The following JMJD1C variants were observed in gnomAD, a reference collection of about 807,000 sequenced individuals.
JMJD1C encodes the protein jumonji domain-containing protein 1C.
In JMJD1C, 31 loss-of-function variants were observed where a neutral mutation model predicts 245.3. The observed-to-expected ratio is 0.13, with a 90% CI of 0.09 to 0.17. The LOEUF is 0.17. Among genes scored for constraint, JMJD1C ranks in the 10% least tolerant of loss-of-function variants. The pLI is 1.00. For missense variants in JMJD1C, 2,691 were observed against 3,000.2 expected (o/e 0.90, Z 2.41); for synonymous variants, 1,057 against 1,017.4 (o/e 1.04, Z -0.74).
chr10:63,167,855 TTATAAC>T lies in JMJD1C; in HGVS notation c.*184_*189del. 1 of 504,084 alleles carries T rather than the reference TTATAAC, an allele frequency of 2.0e-6. No individual in the cohort carries two copies. The highest frequency in any genetic ancestry group is 3.5e-6 in the Non-Finnish European group (1 of 282,148). The allele number at this position is 504,084 out of a possible 1,614,324, so 31.2% of individuals were successfully genotyped here. On this transcript the variant is annotated 3_prime_UTR_variant, in exon 26 of 26. Coordinates refer to ENST00000399262, the MANE Select transcript of JMJD1C (RefSeq NM_032776.3). ...TGCTGCTTTTAAAATTCTGCTTGTT[TTATAAC>T]ATTGAATCACAGGAGCTGTGACATA... is the stretch of plus-strand genomic sequence containing the variant.
chr10:63,181,942 G>A (rs887643661), intron 22 of JMJD1C, among the ~76,000 whole-genome samples: 2 of 152,188 alleles, frequency 1.3e-5, no homozygotes, highest in Admixed American at 6.5e-5. Context: ...AAATCTCTGG[G>A]GGATAGGGGT....
intron 2 of JMJD1C, among the ~76,000 whole-genome samples, chr10:63,310,305 A>G (rs1938994816): frequency 6.6e-6 from 1 of 152,244 alleles, no homozygotes; most frequent in Non-Finnish European, 1.5e-5. Context: ...GCTAATCTTG[A>G]AAACTGCCAA....
chr10:63,272,497 C>T (rs1437511639), intron 2 of JMJD1C, among the ~76,000 whole-genome samples: 5 of 152,164 alleles, frequency 3.3e-5, no homozygotes, highest in African/African-American at 7.2e-5. Flanking sequence ...GTGATCCACC[C>T]GCCTCGGCCT....
chr10:63,431,788 C>T (rs1309565565), intron 1 of JMJD1C, among the ~76,000 whole-genome samples: 4 of 152,112 alleles, frequency 2.6e-5, no homozygotes, highest in Admixed American at 6.5e-5. Flanking sequence ...CCGAGGCGGG[C>T]GGATCACGAG....
chr10:63,204,970 A>G (rs1401660319), intron 10 of JMJD1C: 1 of 984,910 alleles, frequency 1.0e-6, no homozygotes, highest in African/African-American at 1.7e-5. Flanking sequence ...TATTTCATAT[A>G]TTGTATGTGG....
At chr10:63,509,493 T>C (rs1213338443) in intron 1 of JMJD1C, among the ~76,000 whole-genome samples, 3 of 152,212 alleles carry the variant, frequency 2.0e-5, no homozygotes, top group Non-Finnish European at 4.4e-5. Context: ...CTTAAGTTTT[T>C]CCTTAAATAT....
rs1954934131 is a variant in JMJD1C at position 63,513,638 on chromosome 10, C to T, written n.113+8100G>A. On this transcript the variant is annotated intron_variant and non_coding_transcript_variant, in intron 1 of 3. Transcript: ENST00000633035. Reference sequence around the variant, plus strand: ...AAAAAATAGTCCCATTTAGGCCGGGCACGGTGGCTCATGCCTGTAATCCCA... The same window carrying T: ...AAAAAATAGTCCCATTTAGGCCGGGTACGGTGGCTCATGCCTGTAATCCCA... 2.0e-5 allele frequency among the ~76,000 whole-genome samples: 3 copies of T among 152,128 alleles called. No individual in the cohort carries two copies. The South Asian group carries it at 6.2e-4, about 32-fold the overall frequency.
At chr10:63,464,545 C>G (rs143730436) in intron 1 of JMJD1C, among the ~76,000 whole-genome samples, 2,020 of 152,244 alleles carry the variant, frequency 0.013, 30 homozygotes, top group African/African-American at 0.034. Context: ...CTTTGGAAGT[C>G]TAGTCCATGT....
At chr10:63,171,788 T>C (rs1345185990) in intron 24 of JMJD1C, among the ~76,000 whole-genome samples, 1 of 152,210 alleles carries the variant, frequency 6.6e-6, no homozygotes. Flanking sequence ...GAATACTGAT[T>C]TAGAGTCTGA....
intron 1 of JMJD1C, among the ~76,000 whole-genome samples, chr10:63,487,719 G>A (rs889847174): frequency 2.6e-5 from 4 of 152,106 alleles, no homozygotes; most frequent in Admixed American, 1.3e-4. Context: ...GGGACAAAGT[G>A]GCCTCTGTGT....
rs537726130 is a variant in JMJD1C, at chr10:63,194,450, A to T, written c.5645-75T>A. 3 of 965,970 alleles carry T rather than the reference A, an allele frequency of 3.1e-6. No individual in the cohort carries two copies. In the East Asian group the frequency reaches 7.2e-5, roughly 23 times the overall value. The allele number at this position is 965,970 out of a possible 1,614,324, so 59.8% of individuals were successfully genotyped here. On this transcript the variant is annotated intron_variant, in intron 13 of 25. Coordinates refer to ENST00000399262, the MANE Select transcript of JMJD1C (RefSeq NM_032776.3). ...AATTGATAGTGTAAAGAACTTAACG[A>T]TTATATAAAATGTTTCATAGTTGGC...
At chr10:63,263,210 G>A (rs1855018089) in intron 3 of JMJD1C, among the ~76,000 whole-genome samples, 2 of 151,918 alleles carry the variant, frequency 1.3e-5, no homozygotes, top group African/African-American at 4.8e-5. Flanking sequence ...TATAAACAAA[G>A]AACAAAAGCT....
intron 2 of JMJD1C, among the ~76,000 whole-genome samples, chr10:63,283,406 AC>A (rs1346274362): frequency 7.3e-6 from 1 of 137,638 alleles, no homozygotes; most frequent in Non-Finnish European, 1.5e-5. Flanking sequence ...TTGCCCTGTT[AC>A]CCAGGCTGGA....
intron 20 of JMJD1C, among the ~76,000 whole-genome samples, chr10:63,185,352 C>CA (rs1844005886): frequency 1.3e-5 from 2 of 151,654 alleles, no homozygotes. Context: ...GACTGATCTC[C>CA]AAGTCTTGGA....
chr10:63,451,209 C>T (rs966823909), intron 1 of JMJD1C, among the ~76,000 whole-genome samples: 8 of 152,168 alleles, frequency 5.3e-5, no homozygotes, highest in African/African-American at 1.7e-4. Flanking sequence ...TACCCAAAGC[C>T]ATCTACAGAT....
At chr10:63,304,537 T>C (rs1189676133) in intron 2 of JMJD1C, among the ~76,000 whole-genome samples, 3 of 152,224 alleles carry the variant, frequency 2.0e-5, no homozygotes, top group African/African-American at 4.8e-5. Flanking sequence ...TAATAAACTC[T>C]TGTTTTTTGG....
At chr10:63,366,120 T>C (rs1410781641) in intron 2 of JMJD1C, among the ~76,000 whole-genome samples, 1 of 152,192 alleles carries the variant, frequency 6.6e-6, no homozygotes, top group Admixed American at 6.5e-5. Flanking sequence ...GTAATAGCTG[T>C]GACCTCCAGA....
At chr10:63,478,148 G>A (rs1386023830) in intron 1 of JMJD1C, among the ~76,000 whole-genome samples, 1 of 152,170 alleles carries the variant, frequency 6.6e-6, no homozygotes, top group African/African-American at 2.4e-5. Context: ...ATATGACCCA[G>A]TAAAGGAAGA....
intron 2 of JMJD1C, among the ~76,000 whole-genome samples, chr10:63,325,279 A>G (rs1941374418): frequency 6.6e-6 from 1 of 152,154 alleles, no homozygotes; most frequent in South Asian, 2.1e-4. Flanking sequence ...GACGTAAAAC[A>G]GGGGAATAAT....
Sources: gnomAD v4.1 joint callset for allele counts (sites outside exome capture counted in the v4.1 genomes callset) on GRCh38, gnomAD v4.1.1 for gene constraint, MANE v1.5 for transcripts, NCBI Gene and HGNC (gene_info 2026-07-23, HGNC 2026-07-21) for gene names.